The following AFF2 variants were observed in gnomAD, a reference collection of about 807,000 sequenced individuals.
The protein encoded by AFF2 is ALF transcription elongation factor 2.
In AFF2, 14 loss-of-function variants were observed where a neutral mutation model predicts 76.9. That is an observed-to-expected ratio of 0.18 (90% CI 0.12 to 0.28). The LOEUF (loss-of-function observed/expected upper bound fraction) is 0.28, where lower values mean the gene tolerates loss of function less well. Among genes scored for constraint, AFF2 ranks in the 10% least tolerant of loss-of-function variants. The pLI, the probability that AFF2 is intolerant of heterozygous loss-of-function variation, is 1.00. For synonymous variants in AFF2, 398 were observed against 366.7 expected (o/e 1.09, Z -0.98); for missense variants, 868 against 1,001.1 (o/e 0.87, Z 1.79).
intron 9 of AFF2, among the ~76,000 whole-genome samples, chrX:148,940,458 T>A (rs996945978): frequency 7.1e-5 from 8 of 112,401 alleles, no homozygotes; most frequent in Non-Finnish European, 1.3e-4. Context: ...ATTCCTGTTT[T>A]AAATCCATTT....
In AFF2 at chrX:148,997,795, A is replaced by C. The variant is rs1482710107; in HGVS notation, c.*6463A>C. The C allele has an allele frequency of 2.7e-5, 3 of 112,422 alleles. No individual in the cohort carries two copies. The Admixed American group carries it at 2.8e-4, about 11-fold the overall frequency. The allele number at this position is 112,422 out of a possible 1,213,427, so 9.3% of individuals were successfully genotyped here. ...GCTACAAAGAGCTAGAAATGTGTTT[A>C]ACATCATCCAGTGCATCCCCTAATT... On this transcript the variant is annotated 3_prime_UTR_variant, in exon 21 of 21. Transcript: ENST00000370460.
intron 1 of AFF2, among the ~76,000 whole-genome samples, chrX:148,633,449 G>GCA (rs1415894676): frequency 2.7e-5 from 3 of 111,683 alleles, no homozygotes; most frequent in Non-Finnish European, 5.7e-5. Flanking sequence ...ATATGCATGT[G>GCA]CACACACACA....
At chrX:148,526,839 TC>T (rs1407697932) in intron 1 of AFF2, among the ~76,000 whole-genome samples, 1 of 111,242 alleles carries the variant, frequency 9.0e-6, no homozygotes, top group Non-Finnish European at 1.9e-5. Context: ...TTTCCCCTTT[TC>T]TTACCGGTAA....
intron 1 of AFF2, among the ~76,000 whole-genome samples, chrX:148,566,925 AC>A (rs782032855): frequency 1.3e-4 from 15 of 111,599 alleles, no homozygotes; most frequent in Non-Finnish European, 2.6e-4. Context: ...CACTTGTGGT[AC>A]TTTTTGCTTC....
chrX:148,938,833 C>T (rs1330676407), intron 9 of AFF2, among the ~76,000 whole-genome samples: 2 of 111,617 alleles, frequency 1.8e-5, no homozygotes, highest in Non-Finnish European at 3.8e-5. Context: ...ATTTGACTTA[C>T]CATGTTATTT....
chrX:148,865,214 C>A (rs2070892435), intron 7 of AFF2, among the ~76,000 whole-genome samples: 1 of 112,433 alleles, frequency 8.9e-6, no homozygotes, highest in Admixed American at 9.4e-5. Context: ...AGGACAAAGG[C>A]TTCATAATGG....
rs1557263823 is a variant in AFF2 at position 148,721,651 on chromosome X, A to C, written c.1041+58883A>C. On this transcript the variant is annotated intron_variant, in intron 3 of 20. Coordinates refer to ENST00000370460, the MANE Select transcript of AFF2 (RefSeq NM_002025.4). ...ATTTTATTTGACTATTTCAATTAGT[A>C]AGTGTATCAGGTTGCTAGTGCTGCT... Among the ~76,000 whole-genome samples the C allele has an allele frequency of 2.7e-5, 3 of 111,792 alleles. No homozygotes were observed. The Admixed American group carries it at 2.8e-4, about 11-fold the overall frequency.
intron 3 of AFF2, among the ~76,000 whole-genome samples, chrX:148,771,102 G>A (rs1214742506): frequency 8.9e-6 from 1 of 112,040 alleles, no homozygotes; most frequent in African/African-American, 3.2e-5. Flanking sequence ...TCTATAATGC[G>A]CTTCCATGAG....
chrX:148,735,556 T>C (rs1253110412), intron 3 of AFF2, among the ~76,000 whole-genome samples: 1 of 112,224 alleles, frequency 8.9e-6, no homozygotes, highest in Non-Finnish European at 1.9e-5. Context: ...GATTTCTTTA[T>C]AGTAAAAGTA....
intron 1 of AFF2, among the ~76,000 whole-genome samples, chrX:148,540,663 G>A (rs1324078054): frequency 9.0e-6 from 1 of 110,665 alleles, no homozygotes; most frequent in Non-Finnish European, 1.9e-5. Context: ...CAGGCCACTA[G>A]GGTCCCATTC....
chrX:148,978,303 C>G, intron 17 of AFF2, 59 bp from the exon 18 acceptor site: 1 of 824,593 alleles, frequency 1.2e-6, no homozygotes, highest in Non-Finnish European at 1.8e-6. Flanking sequence ...GTCTTCTTAA[C>G]AGTTTATAAA....
chrX:148,694,176 G>T (rs1603278689), intron 3 of AFF2, among the ~76,000 whole-genome samples: 1 of 10,631 alleles, frequency 9.4e-5, no homozygotes, highest in East Asian at 0.1. Flanking sequence ...TTGTGGGGTC[G>T]GGGGGGGGGA....
intron 3 of AFF2, among the ~76,000 whole-genome samples, chrX:148,734,768 A>C (rs2055265793): frequency 8.9e-6 from 1 of 112,223 alleles, no homozygotes; most frequent in Non-Finnish European, 1.9e-5. Context: ...GTTCTTTATA[A>C]ACATGTTTTT....
intron 1 of AFF2, among the ~76,000 whole-genome samples, chrX:148,561,987 A>G (rs2053118388): frequency 1.8e-5 from 2 of 112,162 alleles, no homozygotes. Context: ...TGGAGCTATT[A>G]TGATTAGGAT....
At chrX:148,509,954 A>T (rs782453679) in intron 1 of AFF2, among the ~76,000 whole-genome samples, 83 of 110,040 alleles carry the variant, frequency 7.5e-4, no homozygotes, top group African/African-American at 2.5e-3. Flanking sequence ...CGTCCCTCAA[A>T]CTCCCATACT....
intron 4 of AFF2, among the ~76,000 whole-genome samples, chrX:148,814,955 T>C (rs999004097): frequency 4.5e-5 from 5 of 111,671 alleles, no homozygotes; most frequent in African/African-American, 1.6e-4. Context: ...GAATTTCTTT[T>C]ATAAATTTAA....
At chrX:148,537,827 A>G (rs2052802969) in intron 1 of AFF2, among the ~76,000 whole-genome samples, 1 of 111,675 alleles carries the variant, frequency 9.0e-6, no homozygotes, top group African/African-American at 3.3e-5. Context: ...CAGAAGGTAA[A>G]AGGCAGTGGG....
At chrX:148,916,265 A>G (rs61377333) in intron 9 of AFF2, among the ~76,000 whole-genome samples, 2,399 of 81,181 alleles carry the variant, frequency 0.03, 98 homozygotes, top group African/African-American at 0.11. Context: ...GTTGGAGTGC[A>G]GTGGCGCGAT....
At chrX:148,979,034 G>A (rs782089261) in intron 18 of AFF2, among the ~76,000 whole-genome samples, 2 of 111,750 alleles carry the variant, frequency 1.8e-5, no homozygotes, top group East Asian at 2.8e-4. Context: ...AAAATGCAAC[G>A]CCAAAATTTG....
Sources: allele counts gnomAD v4.1 joint callset (sites outside exome capture counted in the v4.1 genomes callset), GRCh38; gene constraint gnomAD v4.1.1; transcripts MANE v1.5; gene names NCBI Gene and HGNC (gene_info 2026-07-23, HGNC 2026-07-21).